The following DNAJC1 variants were observed in gnomAD, a reference collection of about 807,000 sequenced individuals.
DNAJC1 encodes the protein dnaJ homolog subfamily C member 1.
In DNAJC1, 58 loss-of-function variants were observed where a neutral mutation model predicts 76.6. The ratio of observed to expected loss-of-function variants is 0.76; its 90% CI spans 0.61 to 0.94. DNAJC1 has a LOEUF of 0.94. Among genes scored for constraint, DNAJC1 ranks in the 40% least tolerant of loss-of-function variants. DNAJC1 has a pLI of 0.00. For missense variants in DNAJC1, 689 were observed against 677.3 expected, an observed-to-expected ratio of 1.02 and a Z score of -0.19; for synonymous variants, 258 against 267.9, an observed-to-expected ratio of 0.96 and a Z score of 0.36.
intron 1 of DNAJC1, among the ~76,000 whole-genome samples, chr10:21,977,129 C>T (rs1564843070): frequency 6.6e-6 from 1 of 152,108 alleles, no homozygotes; most frequent in Non-Finnish European, 1.5e-5. Flanking sequence ...TGGCCTCTTA[C>T]TCTCCCGGCA....
At chr10:21,786,631 C>T (rs1269013577) in intron 9 of DNAJC1, among the ~76,000 whole-genome samples, 1 of 151,806 alleles carries the variant, frequency 6.6e-6, no homozygotes, top group Non-Finnish European at 1.5e-5. Flanking sequence ...CGTGCGCCAC[C>T]ACACCGGCTA....
intron 9 of DNAJC1, among the ~76,000 whole-genome samples, chr10:21,788,199 C>T (rs558533162): frequency 3.3e-5 from 5 of 152,232 alleles, no homozygotes; most frequent in South Asian, 2.1e-4. Context: ...CTGTCAGCTG[C>T]GGCTGTGCTC....
chr10:21,853,049 CAG>C (rs1223291428), intron 8 of DNAJC1, among the ~76,000 whole-genome samples: 2 of 152,164 alleles, frequency 1.3e-5, no homozygotes, highest in Non-Finnish European at 2.9e-5. Flanking sequence ...CTTTACAAAA[CAG>C]AGCATGTCAA....
intron 1 of DNAJC1, among the ~76,000 whole-genome samples, chr10:21,943,342 T>C (rs1837451905): frequency 6.6e-6 from 1 of 152,244 alleles, no homozygotes; most frequent in Non-Finnish European, 1.5e-5. Flanking sequence ...GATAATTCCC[T>C]AGCAAACATA....
chr10:21,951,383 T>C (rs1466178085), intron 1 of DNAJC1, among the ~76,000 whole-genome samples: 2 of 151,646 alleles, frequency 1.3e-5, no homozygotes, highest in South Asian at 2.1e-4. Context: ...AATGCCAATA[T>C]ACTGGTTAAA....
chr10:21,829,206 T>C (rs1835314152), intron 8 of DNAJC1, among the ~76,000 whole-genome samples: 1 of 151,458 alleles, frequency 6.6e-6, no homozygotes, highest in Non-Finnish European at 1.5e-5. Context: ...GATTTTTTTG[T>C]TGTTGTTCGT....
chr10:21,852,104 C>G (rs1320936633), intron 8 of DNAJC1, among the ~76,000 whole-genome samples: 3 of 133,096 alleles, frequency 2.3e-5, no homozygotes, highest in Admixed American at 7.2e-5. Flanking sequence ...CACACACACA[C>G]ACACACACAC....
At chr10:21,855,164 T>G (rs966207896) in intron 8 of DNAJC1, among the ~76,000 whole-genome samples, 12 of 152,184 alleles carry the variant, frequency 7.9e-5, no homozygotes. Context: ...TAAAATAGGA[T>G]TTTAATAAAG....
chr10:21,834,088 C>G (rs909990221), intron 8 of DNAJC1, among the ~76,000 whole-genome samples: 1 of 151,980 alleles, frequency 6.6e-6, no homozygotes, highest in Admixed American at 6.6e-5. Flanking sequence ...CACGGTGAAA[C>G]CCCATCTCTA....
intron 7 of DNAJC1, among the ~76,000 whole-genome samples, chr10:21,898,605 T>G (rs1306976757): frequency 6.7e-6 from 1 of 149,466 alleles, no homozygotes; most frequent in Non-Finnish European, 1.5e-5. Context: ...CAGGCTGGAG[T>G]GCAATGGCGC....
At chr10:21,902,147 A>G (rs992977034) in intron 7 of DNAJC1, among the ~76,000 whole-genome samples, 4 of 152,188 alleles carry the variant, frequency 2.6e-5, no homozygotes, top group African/African-American at 9.7e-5. Context: ...ACAGCATAGT[A>G]TGAGGAATGT....
intron 8 of DNAJC1, among the ~76,000 whole-genome samples, chr10:21,876,281 T>C (rs1006495667): frequency 1.3e-5 from 2 of 152,040 alleles, no homozygotes; most frequent in Admixed American, 6.6e-5. Context: ...TGGCTAATTT[T>C]TGTATTTTTT....
At chr10:21,900,701 A>G (rs1364183879) in intron 7 of DNAJC1, among the ~76,000 whole-genome samples, 1 of 152,216 alleles carries the variant, frequency 6.6e-6, no homozygotes, top group African/African-American at 2.4e-5. Context: ...TTTAGGTTTT[A>G]TAATATGAAA....
chr10:21,871,855 G>T (rs1373971171), intron 8 of DNAJC1, among the ~76,000 whole-genome samples: 1 of 151,548 alleles, frequency 6.6e-6, no homozygotes, highest in Non-Finnish European at 1.5e-5. Flanking sequence ...GGCTGGTCTG[G>T]AGCTCCTGGC....
At chr10:21,758,558 C>T (rs767751068) in intron 11 of DNAJC1, among the ~76,000 whole-genome samples, 4 of 152,346 alleles carry the variant, frequency 2.6e-5, no homozygotes, top group South Asian at 2.1e-4. Context: ...CGGCCACGGC[C>T]GTGGAAAGTA....
At chr10:21,835,469 T>C (rs974376590) in intron 8 of DNAJC1, among the ~76,000 whole-genome samples, 2 of 152,164 alleles carry the variant, frequency 1.3e-5, no homozygotes, top group African/African-American at 4.8e-5. Context: ...GGAACAAAGC[T>C]GGATGGAGAA....
chr10:21,834,908 T>C (rs1286896090), intron 8 of DNAJC1, among the ~76,000 whole-genome samples: 1 of 152,168 alleles, frequency 6.6e-6, no homozygotes, highest in Non-Finnish European at 1.5e-5. Context: ...GGACAGGGCA[T>C]AGACAAACAA....
At chr10:21,907,187 A>C (rs1836759940) in intron 6 of DNAJC1, among the ~76,000 whole-genome samples, 1 of 152,160 alleles carries the variant, frequency 6.6e-6, no homozygotes, top group African/African-American at 2.4e-5. Context: ...GAGGACTGCA[A>C]TCCACCCAAT....
intron 8 of DNAJC1, among the ~76,000 whole-genome samples, chr10:21,822,971 C>G (rs527412454): frequency 6.6e-6 from 1 of 151,418 alleles, no homozygotes; most frequent in African/African-American, 2.4e-5. Flanking sequence ...AAAACTACCA[C>G]GGTCGGTAGT....
Sources: allele counts gnomAD v4.1 joint callset (sites outside exome capture counted in the v4.1 genomes callset), GRCh38; gene constraint gnomAD v4.1.1; transcripts MANE v1.5; gene names NCBI Gene and HGNC (gene_info 2026-07-23, HGNC 2026-07-21).